ABCA1: variants seen among roughly 807,000 people sequenced by gnomAD.
ABCA1 encodes phospholipid-transporting ATPase ABCA1.
In ABCA1, 133 loss-of-function variants were observed where a neutral mutation model predicts 262.5. The ratio of observed to expected loss-of-function variants is 0.51; its 90% CI spans 0.44 to 0.59. The LOEUF (loss-of-function observed/expected upper bound fraction) is 0.59. ABCA1 is among the 20% of genes least tolerant of loss of function. The pLI is 0.00. For synonymous variants in ABCA1, 1,022 were observed against 1,043.5 expected, an observed-to-expected ratio of 0.98 and a Z score of 0.40; for missense variants, 2,452 against 2,777.5, an observed-to-expected ratio of 0.88 and a Z score of 2.63.
chr9:104,878,090 G>C (rs949913495), intron 5 of ABCA1, among the ~76,000 whole-genome samples: 3 of 152,092 alleles, frequency 2.0e-5, no homozygotes, highest in Admixed American at 6.5e-5. Flanking sequence ...ATCTCTGCCA[G>C]TCTGTATCTC....
chr9:104,805,503 C>T (rs934263862), intron 31 of ABCA1, among the ~76,000 whole-genome samples: 3 of 152,170 alleles, frequency 2.0e-5, no homozygotes, highest in Non-Finnish European at 2.9e-5. Context: ...AAGCACTCCT[C>T]TTCCTGAAAT....
rs1161264056 is a variant in ABCA1, at chr9:104,804,619, A to C, written c.4559+7T>G. 6.2e-7 allele frequency: 1 copy of C among 1,613,322 alleles called. No homozygotes were observed. The highest frequency in any genetic ancestry group is 1.1e-5 in the South Asian group (1 of 91,072). On this transcript the variant is annotated splice_region_variant and intron_variant, in intron 32 of 49. Transcript: ENST00000374736. Reference sequence around the variant, plus strand: ...TACGGCAGGGGCCAAGTTTAGTAAAAAGTCACCTTTTGGCTATGATCTGCA... The same window carrying C: ...TACGGCAGGGGCCAAGTTTAGTAAACAGTCACCTTTTGGCTATGATCTGCA...
intron 11 of ABCA1, among the ~76,000 whole-genome samples, chr9:104,835,385 G>A (rs1833729140): frequency 6.6e-6 from 1 of 152,012 alleles, no homozygotes; most frequent in Non-Finnish European, 1.5e-5. Context: ...GCAGACCTCA[G>A]TAGCCACTGG....
At position 104,786,867 on chromosome 9, in the gene ABCA1, A is replaced by T; in HGVS notation, c.6308+6T>A. On this transcript the variant is annotated splice_donor_region_variant and intron_variant, in intron 47 of 49. Coordinates refer to ENST00000374736, the MANE Select transcript of ABCA1 (RefSeq NM_005502.4). The stretch of plus-strand genomic sequence containing the variant: ...ACAGTGAGGAACCCAAGACTTTACT[A>T]CGGACCTATGAGATGTAAGCACTAC... 6.2e-7 allele frequency: 1 copy of T among 1,610,714 alleles called. No homozygotes were observed. The highest frequency in any genetic ancestry group is 8.5e-7 in the Non-Finnish European group (1 of 1,176,888).
At chr9:104,806,472 C>G in intron 30 of ABCA1, 42 bp from the exon 31 acceptor site, 1 of 1,606,160 alleles carries the variant, frequency 6.2e-7, no homozygotes, top group Middle Eastern at 1.7e-4. Context: ...CCAGAGATGG[C>G]CTGGCCTTTC....
Position 104,817,354 on chromosome 9 carries a change from A to G in ABCA1, c.3513T>C (p.His1171=), listed in dbSNP as rs1395960539. The change falls in exon 24 of 50, where the codon CAT becomes CAC. Residue 1171 remains histidine, a synonymous_variant. Coordinates refer to ENST00000374736, the MANE Select transcript of ABCA1 (RefSeq NM_005502.4). The surrounding 1 kb of genome is among the most constrained non-coding windows in gnomAD (Gnocchi z 4.7). ...SSSDAGLGSD[H]ESDTLTIDVS... is the part of the protein sequence containing the mutation. ...TACCGATGGTCAGCGTGTCACTCTCATGGTCGCTGCCCAGGCCAGCATCAG... is the reference window on the plus strand; with the variant it reads ...TACCGATGGTCAGCGTGTCACTCTCGTGGTCGCTGCCCAGGCCAGCATCAG... 2 of 1,613,786 alleles carry G rather than the reference A, an allele frequency of 1.2e-6. No individual in the cohort carries two copies. The highest frequency in any genetic ancestry group is 1.7e-6 in the Non-Finnish European group (2 of 1,179,814).
At chr9:104,862,639 C>CCCCCACCCCCAGA (rs1466718708) in intron 5 of ABCA1, among the ~76,000 whole-genome samples, 1 of 5,384 alleles carries the variant, frequency 1.9e-4, no homozygotes, top group South Asian at 0.011. Flanking sequence ...ACTGCCGGGC[C>CCCCCACCCCCAGA]GGGCCGGGCC....
At chr9:104,891,898 G>C (rs959435357) in intron 2 of ABCA1, among the ~76,000 whole-genome samples, 4 of 148,888 alleles carry the variant, frequency 2.7e-5, no homozygotes, top group African/African-American at 1.0e-4. Context: ...CTGGGAAGCG[G>C]AGGTTGCTGT....
At chr9:104,795,254 G>A (rs1246336952) in intron 39 of ABCA1, among the ~76,000 whole-genome samples, 1 of 152,234 alleles carries the variant, frequency 6.6e-6, no homozygotes, top group Non-Finnish European at 1.5e-5. Context: ...GGAGCATGGT[G>A]GTTGGAGGCA....
chr9:104,911,705 C>T (rs189447779), intron 1 of ABCA1, among the ~76,000 whole-genome samples: 4 of 152,140 alleles, frequency 2.6e-5, no homozygotes, highest in African/African-American at 9.7e-5. Context: ...AACCACAGTT[C>T]CAGGGAAACT....
At position 104,858,541 on chromosome 9, in the gene ABCA1, T is replaced by C. The variant is rs1836049462; in HGVS notation, c.701A>G (p.Asp234Gly). 1 of 1,614,036 alleles carries C rather than the reference T, an allele frequency of 6.2e-7. No individual in the cohort carries two copies. The highest frequency in any genetic ancestry group is 8.5e-7 in the Non-Finnish European group (1 of 1,180,042). The change falls in exon 7 of 50, where the codon GAC becomes GGC. Residue 234 changes from aspartate to glycine, a missense_variant. Coordinates refer to ENST00000374736, the MANE Select transcript of ABCA1 (RefSeq NM_005502.4). ...AAERVLRSNM[D>G]ILKPILRTLN... ...ACTCACCAGGATTGGCTTCAGGATGTCCATGTTGGAACGAAGTACTCGCTC... is the reference window on the plus strand; with the variant it reads ...ACTCACCAGGATTGGCTTCAGGATGCCCATGTTGGAACGAAGTACTCGCTC...
chr9:104,831,221 C>CTT (rs745417929), intron 13 of ABCA1, 120 bp from the exon 14 acceptor site: 473 of 739,262 alleles, frequency 6.4e-4, no homozygotes, highest in Middle Eastern at 1.4e-3. Flanking sequence ...ATTTTTGTAT[C>CTT]TTTTTTTTTT....
chr9:104,851,663 G>C, intron 7 of ABCA1, among the ~76,000 whole-genome samples: 1 of 152,198 alleles, frequency 6.6e-6, no homozygotes, highest in Non-Finnish European at 1.5e-5. Flanking sequence ...ACCCAGCAGA[G>C]CGTCTCCTGC....
At chr9:104,878,573 C>A (rs1455785437) in intron 5 of ABCA1, among the ~76,000 whole-genome samples, 1 of 151,974 alleles carries the variant, frequency 6.6e-6, no homozygotes, top group African/African-American at 2.4e-5. Flanking sequence ...TCACTTCCCC[C>A]TTCTGGGTCA....
chr9:104,917,346 T>C (rs1841906067), intron 1 of ABCA1, among the ~76,000 whole-genome samples: 1 of 152,246 alleles, frequency 6.6e-6, no homozygotes. Flanking sequence ...ATTTAAGTGA[T>C]ATTCAGAGGA....
intron 20 of ABCA1, among the ~76,000 whole-genome samples, chr9:104,820,356 C>A (rs925882224): frequency 1.6e-4 from 24 of 152,118 alleles, no homozygotes; most frequent in African/African-American, 5.6e-4. Context: ...AATTTCAGGG[C>A]CCCAAGATGT....
chr9:104,903,521 A>C, intron 2 of ABCA1, 93 bp downstream of exon 2: 1 of 1,289,292 alleles, frequency 7.8e-7, no homozygotes, highest in Non-Finnish European at 1.1e-6. Context: ...AAACCAACAC[A>C]GCTTCCTTCC....
At chr9:104,810,732 T>C in intron 29 of ABCA1, 68 bp downstream of exon 29, 2 of 1,611,876 alleles carry the variant, frequency 1.2e-6, no homozygotes, top group Non-Finnish European at 1.7e-6. Flanking sequence ...TCCATTCCCT[T>C]GGCCCTCGTA....
chr9:104,790,559 A>G (rs1436597771), intron 44 of ABCA1, among the ~76,000 whole-genome samples: 1 of 152,246 alleles, frequency 6.6e-6, no homozygotes, highest in Non-Finnish European at 1.5e-5. Context: ...ATATGTGTAT[A>G]TAAGACAGAT....
Sources: allele counts gnomAD v4.1 joint callset (sites outside exome capture counted in the v4.1 genomes callset), GRCh38; gene constraint gnomAD v4.1.1; non-coding constraint Gnocchi (gnomAD v3.1); transcripts MANE v1.5; gene names NCBI Gene and HGNC (gene_info 2026-07-23, HGNC 2026-07-21).